BMERB1: variants seen among roughly 807,000 people sequenced by gnomAD.
The protein encoded by BMERB1 is bMERB domain containing 1.
Under a neutral mutation model 23.6 loss-of-function variants are expected in BMERB1, and 12 were observed. The observed-to-expected ratio is 0.51, with a 90% confidence interval of 0.33 to 0.82. The LOEUF is 0.82. Ranked by LOEUF, BMERB1 falls within the 40% of genes least tolerant of loss-of-function variation. The pLI is 0.03. For synonymous variants in BMERB1, 122 were observed against 96.6 expected, an observed-to-expected ratio of 1.26 and a Z score of -1.54; for missense variants, 247 against 255.4, an observed-to-expected ratio of 0.97 and a Z score of 0.22.
intron 2 of BMERB1, among the ~76,000 whole-genome samples, chr16:15,519,944 C>T (rs141211459): frequency 7.8e-4 from 119 of 152,206 alleles, no homozygotes; most frequent in Non-Finnish European, 1.6e-3. Flanking sequence ...ATCATCCTGG[C>T]TCTCTGACGT....
At position 15,488,178 on chromosome 16, in the gene BMERB1, TCATC is replaced by T. The variant is rs778814629; in HGVS notation, c.107-27126_107-27123del. ...CAGCCCTGCTGTAACACAAAAGCAG[TCATC>T]AACAGTACCTAAACAAATGGGCATG... On this transcript the variant is annotated intron_variant, in intron 1 of 5. Transcript: ENST00000300006. Among the ~76,000 whole-genome samples the T allele has an allele frequency of 7.6e-4, 115 of 152,314 alleles. No homozygotes were observed. In the East Asian group the frequency reaches 0.017, roughly 22 times the overall value.
chr16:15,478,705 C>T (rs995028724), intron 1 of BMERB1, among the ~76,000 whole-genome samples: 1 of 152,126 alleles, frequency 6.6e-6, no homozygotes, highest in Admixed American at 6.5e-5. Flanking sequence ...ACTTTTTGCA[C>T]CTTAGCACAA....
intron 1 of BMERB1, among the ~76,000 whole-genome samples, chr16:15,459,732 C>T (rs562597306): frequency 1.3e-5 from 2 of 152,284 alleles, no homozygotes; most frequent in East Asian, 3.9e-4. Flanking sequence ...CTCCTGTCCA[C>T]TCCATTCTAA....
At chr16:15,463,092 T>C (rs2051149738) in intron 1 of BMERB1, among the ~76,000 whole-genome samples, 1 of 151,882 alleles carries the variant, frequency 6.6e-6, no homozygotes, top group Admixed American at 6.6e-5. Flanking sequence ...TTTTTTTTTT[T>C]CTTCTGGAGA....
At chr16:15,528,370 T>C (rs2051929879) in intron 2 of BMERB1, among the ~76,000 whole-genome samples, 1 of 152,182 alleles carries the variant, frequency 6.6e-6, no homozygotes, top group Non-Finnish European at 1.5e-5. Context: ...CACCTCCTAA[T>C]GGCCCTCACC....
At chr16:15,574,937 C>G (rs2030819974) in intron 3 of BMERB1, among the ~76,000 whole-genome samples, 3 of 152,026 alleles carry the variant, frequency 2.0e-5, no homozygotes, top group African/African-American at 2.4e-5. Flanking sequence ...AAATTAGCCG[C>G]GTGTGGTGGC....
In BMERB1 at chr16:15,581,361, G is replaced by A. The variant is rs541826325; in HGVS notation, c.419+30G>A. On this transcript the variant is annotated intron_variant, in intron 4 of 5. Transcript: ENST00000300006. ...GTGCACTGCGGGTACCCGATCACTGGGCTGCAGGACAGCAACCTTCTGCTT... is the reference window on the plus strand; with the variant it reads ...GTGCACTGCGGGTACCCGATCACTGAGCTGCAGGACAGCAACCTTCTGCTT... 40 of 1,578,586 alleles carry A rather than the reference G, an allele frequency of 2.5e-5. No individual in the cohort carries two copies. The South Asian group carries it at 3.6e-4, about 14-fold the overall frequency.
At chr16:15,473,778 G>A (rs541854109) in intron 1 of BMERB1, among the ~76,000 whole-genome samples, 2 of 151,892 alleles carry the variant, frequency 1.3e-5, no homozygotes, top group Non-Finnish European at 2.9e-5. Context: ...AGTTGCCATG[G>A]TTTCAAAGGA....
At chr16:15,440,532 T>C (rs566687670) in intron 1 of BMERB1, among the ~76,000 whole-genome samples, 1 of 152,298 alleles carries the variant, frequency 6.6e-6, no homozygotes, top group South Asian at 2.1e-4. Context: ...ATCTTCTGTT[T>C]GGTTACATAT....
intron 1 of BMERB1, among the ~76,000 whole-genome samples, chr16:15,470,342 C>A (rs892096879): frequency 2.6e-5 from 4 of 152,040 alleles, no homozygotes; most frequent in Non-Finnish European, 5.9e-5. Flanking sequence ...GTGTATAATT[C>A]TTTTCATCCA....
At chr16:15,580,080 C>G (rs2030969221) in intron 3 of BMERB1, among the ~76,000 whole-genome samples, 1 of 151,692 alleles carries the variant, frequency 6.6e-6, no homozygotes, top group Admixed American at 6.6e-5. Flanking sequence ...TCCCCACACT[C>G]ACCCTGCCCT....
rs1333321820 is a variant in BMERB1 at position 15,494,551 on chromosome 16, C to G, written c.107-20754C>G. 1.4e-4 allele frequency among the ~76,000 whole-genome samples: 22 copies of G among 152,094 alleles called. 1 individual carries two copies. The highest frequency in any genetic ancestry group is 3.1e-4 in the Non-Finnish European group (21 of 68,036). On this transcript the variant is annotated intron_variant, in intron 1 of 5. Transcript: ENST00000300006. ...TCAAATGCAATCTTTCTGGAAGTCC[C>G]ACCTGGGAACTGCAGTCCCAATCTG...
intron 1 of BMERB1, among the ~76,000 whole-genome samples, chr16:15,438,070 G>A (rs1030622867): frequency 1.3e-5 from 2 of 151,988 alleles, no homozygotes; most frequent in African/African-American, 4.8e-5. Flanking sequence ...CTGTACTTGC[G>A]TGGATCCTCA....
At chr16:15,494,988 A>T (rs1278412910) in intron 1 of BMERB1, among the ~76,000 whole-genome samples, 4 of 134,416 alleles carry the variant, frequency 3.0e-5, no homozygotes, top group Non-Finnish European at 4.6e-5. Context: ...GGTTTAAGTG[A>T]TTCTTGTGCC....
chr16:15,530,408 TA>T (rs1278070649), intron 2 of BMERB1, among the ~76,000 whole-genome samples: 1 of 152,210 alleles, frequency 6.6e-6, no homozygotes, highest in African/African-American at 2.4e-5. Context: ...ATTTCCTTTT[TA>T]AAAATATATA....
intron 1 of BMERB1, among the ~76,000 whole-genome samples, chr16:15,493,804 A>G (rs1315967491): frequency 6.6e-6 from 1 of 152,186 alleles, no homozygotes; most frequent in Admixed American, 6.5e-5. Context: ...TCTCCTGTCA[A>G]ATTTCCAGCC....
At chr16:15,531,825 G>T (rs146981422) in intron 2 of BMERB1, among the ~76,000 whole-genome samples, 2 of 152,286 alleles carry the variant, frequency 1.3e-5, no homozygotes, top group African/African-American at 4.8e-5. Context: ...GTGATGGTCT[G>T]AATTGAATAG....
chr16:15,435,781 C>T (rs2050882935), intron 1 of BMERB1, among the ~76,000 whole-genome samples: 1 of 152,216 alleles, frequency 6.6e-6, no homozygotes, highest in African/African-American at 2.4e-5. Flanking sequence ...TTTCTCTATA[C>T]CTGTAATTAT....
chr16:15,434,791 G>A (rs771501796), intron 1 of BMERB1, 32 bp downstream of exon 1: 8 of 480,836 alleles, frequency 1.7e-5, no homozygotes, highest in Non-Finnish European at 3.2e-5. Context: ...GGGGGGCCGG[G>A]GACAGCTGGG....
Sources: gnomAD v4.1 joint callset for allele counts (sites outside exome capture counted in the v4.1 genomes callset) on GRCh38, gnomAD v4.1.1 for gene constraint, MANE v1.5 for transcripts, NCBI Gene and HGNC (gene_info 2026-07-23, HGNC 2026-07-21) for gene names.